Variants in C5 observed in about 807,000 individuals in gnomAD.
C5 encodes the protein complement C5.
A neutral mutation model predicts 218.8 loss-of-function variants in C5; 140 were observed. The observed-to-expected ratio is 0.64, with a 90% CI of 0.56 to 0.74. C5 has a LOEUF of 0.74. Ranked by LOEUF, C5 falls within the 30% of genes least tolerant of loss-of-function variation. C5 has a pLI of 0.00. For missense variants in C5, 1,700 were observed against 1,969.6 expected (o/e 0.86, Z 2.59); for synonymous variants, 614 against 682.3 (o/e 0.90, Z 1.56).
chr9:121,025,615 GA>G, intron 8 of C5, 35 bp from the exon 9 acceptor site: 1 of 1,599,694 alleles, frequency 6.3e-7, no homozygotes, highest in Non-Finnish European at 8.5e-7. Flanking sequence ...AGTTATTTCG[GA>G]GAAGAACTTA....
intron 23 of C5, among the ~76,000 whole-genome samples, chr9:120,990,713 A>G (rs2047070887): frequency 6.6e-6 from 1 of 152,184 alleles, no homozygotes; most frequent in Admixed American, 6.5e-5. Context: ...AGCCTCCAGA[A>G]CTGTGAGAAA....
At chr9:121,026,742 G>A (rs1348241727) in intron 8 of C5, among the ~76,000 whole-genome samples, 1 of 152,166 alleles carries the variant, frequency 6.6e-6, no homozygotes, top group African/African-American at 2.4e-5. Flanking sequence ...AGCTAACCTA[G>A]TGTAGAAGAG....
chr9:120,989,177 A>G, intron 24 of C5, 56 bp from the exon 25 acceptor site: 1 of 1,368,786 alleles, frequency 7.3e-7, no homozygotes, highest in Non-Finnish European at 1.0e-6. Context: ...TTCTACTCAA[A>G]GAACACTTTA....
At position 121,006,929 on chromosome 9, in the gene C5, A is replaced by G; in HGVS notation, c.2397T>C (p.Ile799=). Residue 799 remains isoleucine, a synonymous_variant, in exon 19 of 41, where the codon ATT becomes ATC. Transcript: ENST00000223642. ...CAGTGTTTGAAATGCCAACGCCTTGAATTTCCCAGGTGGTTAGAGAATCAG... is the reference window on the plus strand; with the variant it reads ...CAGTGTTTGAAATGCCAACGCCTTGGATTTCCCAGGTGGTTAGAGAATCAG... ...ALPDSLTTWE[I]QGVGISNTGI... 1 of 1,612,568 alleles carries G rather than the reference A, an allele frequency of 6.2e-7. No individual in the cohort carries two copies. The highest frequency in any genetic ancestry group is 8.5e-7 in the Non-Finnish European group (1 of 1,178,642).
rs746765096 is a variant in C5, at chr9:120,952,714, T to G, written c.*25A>C. Reference sequence around the variant, plus strand: ...ACAACAGGAGTCCATAAGTGCAAACTGTATGCAGCTGAACTTCAGGAATTT... The same window carrying G: ...ACAACAGGAGTCCATAAGTGCAAACGGTATGCAGCTGAACTTCAGGAATTT... On this transcript the variant is annotated 3_prime_UTR_variant, in exon 41 of 41. Transcript: ENST00000223642. The G allele has an allele frequency of 5.6e-6, 9 of 1,610,386 alleles. No individual in the cohort carries two copies. The South Asian group carries it at 9.9e-5, about 18-fold the overall frequency.
chr9:121,039,182 C>T (rs559565415), intron 3 of C5, among the ~76,000 whole-genome samples: 5 of 152,330 alleles, frequency 3.3e-5, no homozygotes, highest in African/African-American at 9.6e-5. Flanking sequence ...TTTGCATAGC[C>T]TGACACATAC....
chr9:120,963,577 A>G, intron 34 of C5, 59 bp downstream of exon 34: 2 of 1,188,354 alleles, frequency 1.7e-6, no homozygotes, highest in Non-Finnish European at 1.3e-6. Context: ...AATTGTCTAT[A>G]AAATAATTCA....
At chr9:120,993,682 A>G (rs2047094979) in intron 22 of C5, among the ~76,000 whole-genome samples, 1 of 152,198 alleles carries the variant, frequency 6.6e-6, no homozygotes, top group Non-Finnish European at 1.5e-5. Context: ...TCAGCCTCCC[A>G]AAGTGCTGGG....
intron 22 of C5, among the ~76,000 whole-genome samples, chr9:120,993,045 A>T (rs2047088455): frequency 6.6e-6 from 1 of 152,250 alleles, no homozygotes; most frequent in African/African-American, 2.4e-5. Context: ...CAAATGGACA[A>T]GTATATGAAG....
At chr9:120,973,007 C>A (rs955514117) in intron 30 of C5, among the ~76,000 whole-genome samples, 1 of 152,158 alleles carries the variant, frequency 6.6e-6, no homozygotes, top group East Asian at 1.9e-4. Context: ...CCAGAGTCAC[C>A]ACACTTAATC....
Position 120,991,384 on chromosome 9 carries a change from C to G in C5, c.2852-104G>C, listed in dbSNP as rs1363361236. On this transcript the variant is annotated intron_variant, in intron 22 of 40. Coordinates refer to ENST00000223642, the MANE Select transcript of C5 (RefSeq NM_001735.3). ...CCAAAGAATATTTCAAAATAAAAGACTTATAATTAGACTATTAAAATTTTA... is the reference window on the plus strand; with the variant it reads ...CCAAAGAATATTTCAAAATAAAAGAGTTATAATTAGACTATTAAAATTTTA... The G allele has an allele frequency of 1.1e-5, 8 of 732,876 alleles. No homozygotes were observed. The Admixed American group carries it at 1.7e-4, about 16-fold the overall frequency. 45.4% of individuals were successfully genotyped at this position (732,876 alleles called of 1,614,324 possible).
chr9:121,008,158 A>C (rs2300932), intron 18 of C5, among the ~76,000 whole-genome samples: 94,718 of 152,014 alleles, frequency 0.62, 29,685 homozygotes, highest in East Asian at 0.81. Context: ...TAAATGCATA[A>C]TGAAGTCAAA....
At chr9:121,028,096 CTCA>C (rs2131790832) in intron 7 of C5, among the ~76,000 whole-genome samples, 1 of 152,260 alleles carries the variant, frequency 6.6e-6, no homozygotes, top group South Asian at 2.1e-4. Flanking sequence ...TGAAAAAATG[CTCA>C]TCATCACTGG....
At chr9:120,972,141 G>C (rs1007072895) in intron 30 of C5, 149 bp from the exon 31 acceptor site, 3 of 700,880 alleles carry the variant, frequency 4.3e-6, no homozygotes, top group African/African-American at 3.5e-5. Flanking sequence ...AAAATCCTAT[G>C]CCCATGGCAG....
intron 22 of C5, among the ~76,000 whole-genome samples, chr9:120,995,055 G>A (rs1587966908): frequency 6.6e-6 from 1 of 152,180 alleles, no homozygotes; most frequent in Admixed American, 6.5e-5. Context: ...CAGGCAAGGA[G>A]GAGGTCTGTG....
chr9:121,060,233 G>A, the C5 span, among the ~76,000 whole-genome samples: 1 of 152,128 alleles, frequency 6.6e-6, no homozygotes, highest in Non-Finnish European at 1.5e-5. Context: ...AGCGCCACCT[G>A]CTGGTATTAA....
At chr9:121,041,735 A>G (rs2047583067) in intron 3 of C5, among the ~76,000 whole-genome samples, 1 of 152,178 alleles carries the variant, frequency 6.6e-6, no homozygotes, top group African/African-American at 2.4e-5. Context: ...TCAATGTAGG[A>G]GGAGGACAAG....
chr9:121,052,453 GAAAAAAAAA>G (rs1192286050), upstream of C5, among the ~76,000 whole-genome samples: 2 of 63,254 alleles, frequency 3.2e-5, no homozygotes, highest in African/African-American at 1.2e-4. Context: ...CTCCATCTCA[GAAAAAAAAA>G]AAAAAAAAAA....
At chr9:121,039,358 G>A (rs111612454) in intron 3 of C5, among the ~76,000 whole-genome samples, 6 of 152,230 alleles carry the variant, frequency 3.9e-5, no homozygotes, top group African/African-American at 1.4e-4. Context: ...TGGCTTATTG[G>A]CCGGGTGCAG....
Sources: gnomAD v4.1 joint callset for allele counts (sites outside exome capture counted in the v4.1 genomes callset) on GRCh38, gnomAD v4.1.1 for gene constraint, MANE v1.5 for transcripts, NCBI Gene and HGNC (gene_info 2026-07-23, HGNC 2026-07-21) for gene names.